PTCD2: variants seen among roughly 807,000 people sequenced by gnomAD.
PTCD2 encodes pentatricopeptide repeat-containing protein 2, mitochondrial.
A neutral mutation model predicts 42.6 loss-of-function variants in PTCD2; 31 were observed. That is an observed-to-expected ratio of 0.73 (90% CI 0.55 to 0.98). The LOEUF (loss-of-function observed/expected upper bound fraction) is 0.98. Ranked by LOEUF, PTCD2 falls within the 50% of genes least tolerant of loss-of-function variation. The probability of loss-of-function intolerance (pLI) is 0.00; values close to 1 mark genes in which losing one functional copy is unlikely to be tolerated. For synonymous variants in PTCD2, 183 were observed against 170.9 expected (o/e 1.07, Z -0.55); for missense variants, 476 against 454.8 (o/e 1.05, Z -0.42).
At position 72,361,913 on chromosome 5, in the gene PTCD2, G is replaced by GC. The variant is rs1753104099; in HGVS notation, c.*3490dup. ...ACCTGGTTAGGTGAACTCCCCATGT[G>GC]CCCCATGTACCTCATTTATCAAAGT... On this transcript the variant is annotated 3_prime_UTR_variant, in exon 10 of 10. Transcript: ENST00000380639. 6.6e-6 allele frequency: 1 copy of GC among 152,230 alleles called. No homozygotes were observed. The highest frequency in any genetic ancestry group is 1.5e-5 in the Non-Finnish European group (1 of 68,072). The allele number at this position is 152,230 out of a possible 1,614,324, so 9.4% of individuals were successfully genotyped here. A position where few individuals can be genotyped will look rare whatever the true frequency, so the allele number is the denominator to read the frequency against.
At chr5:72,332,649 GT>G (rs1001672346) in intron 4 of PTCD2, among the ~76,000 whole-genome samples, 2 of 151,844 alleles carry the variant, frequency 1.3e-5, no homozygotes, top group Non-Finnish European at 2.9e-5. Flanking sequence ...AAGCAAACGG[GT>G]TTTTTTTAGC....
intron 8 of PTCD2, among the ~76,000 whole-genome samples, chr5:72,351,765 C>T (rs1454514842): frequency 1.3e-5 from 2 of 152,104 alleles, no homozygotes; most frequent in African/African-American, 4.8e-5. Flanking sequence ...CACCTCCCAC[C>T]ATGTCCCTCC....
chr5:72,341,307 G>C (rs1040757588), intron 7 of PTCD2, among the ~76,000 whole-genome samples: 1 of 152,078 alleles, frequency 6.6e-6, no homozygotes, highest in African/African-American at 2.4e-5. Context: ...GCCTCCCAAA[G>C]TGCCGGGATT....
Position 72,355,791 on chromosome 5 carries a change from T to C in PTCD2, c.943-2412T>C, listed in dbSNP as rs534930566. On this transcript the variant is annotated intron_variant, in intron 9 of 9. Coordinates refer to ENST00000380639, the MANE Select transcript of PTCD2 (RefSeq NM_024754.5). ...CATATTGTTAGTAATAATACTGATATTGTCATTTTGACCAACCAAGTGGCC... is the reference window on the plus strand; with the variant it reads ...CATATTGTTAGTAATAATACTGATACTGTCATTTTGACCAACCAAGTGGCC... Among the ~76,000 whole-genome samples, 10 of 152,326 alleles carry C rather than the reference T, an allele frequency of 6.6e-5. No homozygotes were observed. In the South Asian group the frequency reaches 1.2e-3, roughly 19 times the overall value.
chr5:72,357,081 T>G (rs1441588259), intron 9 of PTCD2, among the ~76,000 whole-genome samples: 1 of 152,224 alleles, frequency 6.6e-6, no homozygotes, highest in East Asian at 1.9e-4. Context: ...GTGACTCTAC[T>G]ACGTATGCCT....
At position 72,359,154 on chromosome 5, in the gene PTCD2, GC is replaced by G. The variant is rs898469433; in HGVS notation, c.*728del. On this transcript the variant is annotated 3_prime_UTR_variant, in exon 10 of 10. Transcript: ENST00000380639. ...TGCTTTGTTCATGGGTAAGCCATGT[GC>G]TTTTCAAAATAAGTGCCACTAAAAA... is the stretch of plus-strand genomic sequence containing the variant. 21 of 152,242 alleles carry G rather than the reference GC, an allele frequency of 1.4e-4. No homozygotes were observed. The highest frequency in any genetic ancestry group is 5.1e-4 in the African/African-American group (21 of 41,534). The allele number at this position is 152,242 out of a possible 1,614,324, so 9.4% of individuals were successfully genotyped here. A position where few individuals can be genotyped will look rare whatever the true frequency, so the allele number is the denominator to read the frequency against.
At chr5:72,328,446 G>A (rs1304551820) in intron 3 of PTCD2, among the ~76,000 whole-genome samples, 1 of 152,254 alleles carries the variant, frequency 6.6e-6, no homozygotes, top group African/African-American at 2.4e-5. Context: ...AATTGGCATG[G>A]CTTCTCTTGG....
chr5:72,341,845 A>G (rs1752080407), intron 7 of PTCD2, among the ~76,000 whole-genome samples: 2 of 151,996 alleles, frequency 1.3e-5, no homozygotes, highest in South Asian at 2.1e-4. Flanking sequence ...GATCGAGACC[A>G]TCCTGACTAA....
Position 72,352,641 on chromosome 5 carries a change from A to G in PTCD2, c.829A>G (p.Ile277Val), listed in dbSNP as rs762064205. 4.1e-6 allele frequency: 6 copies of G among 1,461,346 alleles called. No homozygotes were observed. In the African/African-American group the frequency reaches 5.6e-5, roughly 14 times the overall value. The allele number at this position is 1,461,346 out of a possible 1,614,324, so 90.5% of individuals were successfully genotyped here. A position where few individuals can be genotyped will look rare whatever the true frequency, so the allele number is the denominator to read the frequency against. The change falls in exon 9 of 10, where the codon ATT becomes GTT. Residue 277 changes from isoleucine to valine, a missense_variant and splice_region_variant. By Grantham distance (29) the Ile-to-Val change is conservative. Coordinates refer to ENST00000380639, the MANE Select transcript of PTCD2 (RefSeq NM_024754.5). ...PESIACINLN[I>V]IIHIQSNMLE... The stretch of plus-strand genomic sequence containing the variant: ...TTGCTTGTGTCTTCTTAATATTCAG[A>G]TTATAATCCATATCCAGTCAAATAT...
At position 72,326,676 on chromosome 5, in the gene PTCD2, G is replaced by A. The variant is rs201786326; in HGVS notation, c.285G>A (p.Leu95=). ...ACAAGCTCATCTTGAAGGGGGAGTT[G>A]ATAACCTTACTACATTTGTGTGAGT... ...TQNKLILKGE[L]ITLLHLCESR... is the part of the protein sequence containing the mutation. The change falls in exon 3 of 10, where the codon TTG becomes TTA. Residue 95 remains leucine (L), a synonymous_variant. Transcript: ENST00000380639. 5 of 1,614,144 alleles carry A rather than the reference G, an allele frequency of 3.1e-6. No homozygotes were observed. In the East Asian group the frequency reaches 8.9e-5, roughly 29 times the overall value.
At chr5:72,351,189 ACTT>A (rs929825728) in intron 8 of PTCD2, among the ~76,000 whole-genome samples, 2 of 152,060 alleles carry the variant, frequency 1.3e-5, no homozygotes, top group African/African-American at 4.8e-5. Flanking sequence ...CTTTCTTTAA[ACTT>A]CTTCTTGAAT....
intron 6 of PTCD2, 115 bp from the exon 7 acceptor site, chr5:72,338,507 T>C (rs1751873873): frequency 2.1e-6 from 1 of 467,094 alleles, no homozygotes; most frequent in African/African-American, 2.0e-5. Flanking sequence ...TTAAGTGGCT[T>C]GAGGGAGGCT....
chr5:72,329,427 G>A (rs1751318062), intron 3 of PTCD2, among the ~76,000 whole-genome samples: 1 of 152,124 alleles, frequency 6.6e-6, no homozygotes, highest in Admixed American at 6.5e-5. Flanking sequence ...GGTTTATTGA[G>A]GGATTTTAGA....
In PTCD2 at chr5:72,364,495, G is replaced by A. The variant is rs1753157765; in HGVS notation, c.*6068G>A. ...TTACAGATCTTTTTCTCCATATCCG[G>A]TCTCTCCTGAAGAACAGAGTATTCT... is the stretch of plus-strand genomic sequence containing the variant. On this transcript the variant is annotated 3_prime_UTR_variant, in exon 10 of 10. Coordinates refer to ENST00000380639, the MANE Select transcript of PTCD2 (RefSeq NM_024754.5). 1 of 152,148 alleles carries A rather than the reference G, an allele frequency of 6.6e-6. No homozygotes were observed. The highest frequency in any genetic ancestry group is 1.5e-5 in the Non-Finnish European group (1 of 68,044). The allele number at this position is 152,148 out of a possible 1,614,324, so 9.4% of individuals were successfully genotyped here.
chr5:72,320,687 C>T (rs1384262259), intron 1 of PTCD2, 178 bp downstream of exon 1: 4 of 747,738 alleles, frequency 5.3e-6, no homozygotes, highest in African/African-American at 1.8e-5. Flanking sequence ...TCGTGGATAC[C>T]CCCAGTGCCT....
rs570848389 is a variant in PTCD2, at chr5:72,352,745, G to T, written c.933G>T (p.Ser311=). 1 of 1,543,556 alleles carries T rather than the reference G, an allele frequency of 6.5e-7. No homozygotes were observed. Among genetic ancestry groups the T allele is most frequent in the Non-Finnish European group, 9.0e-7 (1 of 1,117,144 alleles). ...AATTTGTGAAAAGACATGTGTTCTC[G>T]GAGGAAGTGGTGAGTATGCAAGTGC... ...LSKFVKRHVF[S]EEVLAKVREK... The change falls in exon 9 of 10, where the codon TCG becomes TCT. Residue 311 remains serine (S), a synonymous_variant. Coordinates refer to ENST00000380639, the MANE Select transcript of PTCD2 (RefSeq NM_024754.5).
At position 72,363,043 on chromosome 5, in the gene PTCD2, G is replaced by A. The variant is rs1753127498; in HGVS notation, c.*4616G>A. ...TAAGGATTTACCTGCTACAATTTGGGTAGGCAAAAATGTAGGCTTCTCTGT... is the reference window on the plus strand; with the variant it reads ...TAAGGATTTACCTGCTACAATTTGGATAGGCAAAAATGTAGGCTTCTCTGT... On this transcript the variant is annotated 3_prime_UTR_variant, in exon 10 of 10. Coordinates refer to ENST00000380639, the MANE Select transcript of PTCD2 (RefSeq NM_024754.5). 6.6e-6 allele frequency: 1 copy of A among 152,164 alleles called. No individual in the cohort carries two copies. Among genetic ancestry groups the A allele is most frequent in the African/African-American group, 2.4e-5 (1 of 41,448 alleles). 9.4% of individuals were successfully genotyped at this position (152,164 alleles called of 1,614,324 possible). A position where few individuals can be genotyped will look rare whatever the true frequency, so the allele number is the denominator to read the frequency against.
chr5:72,322,176 A>G lies in PTCD2; in HGVS notation c.132A>G (p.Lys44=), dbSNP rs748051661. 1.9e-6 allele frequency: 3 copies of G among 1,551,066 alleles called. No individual in the cohort carries two copies. The Admixed American group carries it at 5.1e-5, about 27-fold the overall frequency. The change falls in exon 2 of 10, where the codon AAA becomes AAG. Residue 44 remains lysine (K), a synonymous_variant. Coordinates refer to ENST00000380639, the MANE Select transcript of PTCD2 (RefSeq NM_024754.5). ...TTTTCTTTCTCTGATTTTTAGCTAA[A>G]AGATACCTACTTACAGATAATGTGG... The part of the protein sequence containing the change: ...SVSCRCPLGA[K]RYLLTDNVVK...
At chr5:72,351,982 C>T (rs1752644103) in intron 8 of PTCD2, among the ~76,000 whole-genome samples, 1 of 152,076 alleles carries the variant, frequency 6.6e-6, no homozygotes, top group Non-Finnish European at 1.5e-5. Flanking sequence ...AGATCTAAAT[C>T]TATTTTCCCC....
Sources: gnomAD v4.1 joint callset for allele counts (sites outside exome capture counted in the v4.1 genomes callset) on GRCh38, gnomAD v4.1.1 for gene constraint, MANE v1.5 for transcripts, NCBI Gene and HGNC (gene_info 2026-07-23, HGNC 2026-07-21) for gene names.